Variants in CGNL1 observed in about 807,000 individuals in gnomAD.
CGNL1 encodes the protein cingulin-like protein 1.
CGNL1 carries 132 observed loss-of-function variants against 141.2 expected under a neutral mutation model. The ratio of observed to expected loss-of-function variants is 0.93; its 90% CI spans 0.81 to 1.08. The LOEUF (loss-of-function observed/expected upper bound fraction) is 1.08, where lower values mean the gene tolerates loss of function less well. Among genes scored for constraint, CGNL1 ranks in the 50% least tolerant of loss-of-function variants. The pLI is 0.00. For missense variants in CGNL1, 1,870 were observed against 1,588.6 expected (o/e 1.18, Z -3.01); for synonymous variants, 690 against 622.1 (o/e 1.11, Z -1.63).
chr15:57,543,396 G>T (rs4774960), intron 14 of CGNL1, among the ~76,000 whole-genome samples: 41,784 of 152,040 alleles, frequency 0.27, 6,573 homozygotes, highest in African/African-American at 0.44. Context: ...TAAGGTCACG[G>T]CAGAGGTACT....
At chr15:57,507,499 A>G (rs1290076390) in intron 8 of CGNL1, among the ~76,000 whole-genome samples, 1 of 152,228 alleles carries the variant, frequency 6.6e-6, no homozygotes, top group African/African-American at 2.4e-5. Context: ...CTATGTAATC[A>G]CTGAGTTGCC....
intron 7 of CGNL1, among the ~76,000 whole-genome samples, chr15:57,456,640 T>C (rs987906518): frequency 1.3e-5 from 2 of 152,108 alleles, no homozygotes; most frequent in African/African-American, 2.4e-5. Flanking sequence ...TTTTTTTTTT[T>C]CAGCTCAAGT....
chr15:57,516,160 A>G (rs1348371723), intron 8 of CGNL1, among the ~76,000 whole-genome samples: 1 of 12,768 alleles, frequency 7.8e-5, no homozygotes, highest in Non-Finnish European at 2.1e-4. Context: ...CTCTGTCTCA[A>G]AAAAAAAAAA....
intron 1 of CGNL1, among the ~76,000 whole-genome samples, chr15:57,402,477 G>C (rs777150931): frequency 6.6e-6 from 1 of 152,176 alleles, no homozygotes; most frequent in Non-Finnish European, 1.5e-5. Context: ...AGCACACCAT[G>C]CTCTAAGTAG....
At chr15:57,487,946 G>C (rs1390066454) in intron 8 of CGNL1, among the ~76,000 whole-genome samples, 1 of 152,172 alleles carries the variant, frequency 6.6e-6, no homozygotes, top group East Asian at 1.9e-4. Flanking sequence ...GAGTAGAGTT[G>C]CTGGGTCATA....
chr15:57,540,629 T>C (rs2032513673), intron 14 of CGNL1, among the ~76,000 whole-genome samples: 1 of 152,172 alleles, frequency 6.6e-6, no homozygotes, highest in Non-Finnish European at 1.5e-5. Flanking sequence ...ACTGTCTGTG[T>C]CCTGGAAGCT....
At chr15:57,405,541 A>T (rs2062705830) in intron 1 of CGNL1, among the ~76,000 whole-genome samples, 1 of 152,158 alleles carries the variant, frequency 6.6e-6, no homozygotes, top group East Asian at 1.9e-4. Context: ...TGCAATCTCC[A>T]GCTCTTTCCT....
Position 57,518,418 on chromosome 15 carries a change from C to T in CGNL1, c.2636C>T (p.Ala879Val). 1 of 1,613,330 alleles carries T rather than the reference C, an allele frequency of 6.2e-7. No homozygotes were observed. The highest frequency in any genetic ancestry group is 8.5e-7 in the Non-Finnish European group (1 of 1,179,636). ...GGAGAAATACGACAGTTAGAGGAGG[C>T]CCTTGTGCACGCCAGAAAGGAAGAA... Reference protein sequence around the residue: ...YEGEIRQLEEALVHARKEEKE... With the variant: ...YEGEIRQLEEVLVHARKEEKE... The change falls in exon 10 of 19, where the codon GCC (alanine) becomes GTC (valine). Residue 879 changes from alanine to valine, a missense_variant. Physicochemically the swap from Ala to Val is moderately conservative, Grantham distance 64. Transcript: ENST00000281282.
chr15:57,396,709 G>A (rs2062606971), intron 1 of CGNL1, among the ~76,000 whole-genome samples: 2 of 152,270 alleles, frequency 1.3e-5, no homozygotes, highest in South Asian at 4.1e-4. Flanking sequence ...CTCCCACCTA[G>A]CAGAGGGTTC....
chr15:57,471,177 A>G (rs573295475), intron 8 of CGNL1, among the ~76,000 whole-genome samples: 2 of 152,310 alleles, frequency 1.3e-5, no homozygotes, highest in African/African-American at 4.8e-5. Flanking sequence ...CTCATAAACT[A>G]TTTCTGAGGA....
chr15:57,470,584 T>C (rs1028085965), intron 8 of CGNL1, among the ~76,000 whole-genome samples: 4 of 152,188 alleles, frequency 2.6e-5, no homozygotes, highest in Non-Finnish European at 5.9e-5. Context: ...AGTCACTTGC[T>C]GTGGGTTAGG....
intron 4 of CGNL1, 31 bp downstream of exon 4, chr15:57,442,509 C>T: frequency 7.5e-7 from 1 of 1,330,418 alleles, no homozygotes; most frequent in Non-Finnish European, 1.1e-6. Context: ...TTGTAGAGTG[C>T]ATTTAGCATG....
intron 1 of CGNL1, among the ~76,000 whole-genome samples, chr15:57,382,850 A>T (rs1401721750): frequency 6.6e-6 from 1 of 152,178 alleles, no homozygotes; most frequent in East Asian, 1.9e-4. Flanking sequence ...GGGTATTCCA[A>T]CTAGGACTGT....
chr15:57,529,684 G>A (rs1024995047), intron 13 of CGNL1, among the ~76,000 whole-genome samples: 7 of 151,976 alleles, frequency 4.6e-5, no homozygotes, highest in African/African-American at 1.7e-4. Flanking sequence ...AATAGTCTCA[G>A]TCTTTTCAGA....
intron 12 of CGNL1, among the ~76,000 whole-genome samples, chr15:57,526,861 AG>A (rs1398649921): frequency 6.6e-6 from 1 of 151,978 alleles, no homozygotes; most frequent in Non-Finnish European, 1.5e-5. Context: ...TGAGCAGTGG[AG>A]GAGGGCACGC....
At chr15:57,537,619 A>C (rs1190239343) in intron 14 of CGNL1, among the ~76,000 whole-genome samples, 1 of 152,190 alleles carries the variant, frequency 6.6e-6, no homozygotes, top group Non-Finnish European at 1.5e-5. Flanking sequence ...TGATAAACAC[A>C]GGTGATGGGG....
intron 13 of CGNL1, among the ~76,000 whole-genome samples, chr15:57,530,717 T>C (rs1312011132): frequency 1.3e-5 from 2 of 152,174 alleles, no homozygotes; most frequent in Admixed American, 1.3e-4. Context: ...AACTTCCCTA[T>C]AGGTTTTGAT....
chr15:57,507,881 G>T (rs550011624), intron 8 of CGNL1, among the ~76,000 whole-genome samples: 2 of 152,274 alleles, frequency 1.3e-5, no homozygotes, highest in East Asian at 3.9e-4. Flanking sequence ...GTTAGAGCTG[G>T]CCAGGACATT....
intron 8 of CGNL1, among the ~76,000 whole-genome samples, chr15:57,510,077 CTTGATT>C (rs1204813664): frequency 6.6e-6 from 1 of 152,100 alleles, no homozygotes; most frequent in Non-Finnish European, 1.5e-5. Context: ...GAAGTCTAGG[CTTGATT>C]TTTTTAGCTG....
Sources: allele counts gnomAD v4.1 joint callset (sites outside exome capture counted in the v4.1 genomes callset), GRCh38; gene constraint gnomAD v4.1.1; transcripts MANE v1.5; gene names NCBI Gene and HGNC (gene_info 2026-07-23, HGNC 2026-07-21).